Variants in TRMT9B observed in about 807,000 individuals in gnomAD.
The protein encoded by TRMT9B is tRNA methyltransferase 9B (putative).
A neutral mutation model predicts 11.5 loss-of-function variants in TRMT9B; 16 were observed. That is an observed-to-expected ratio of 1.39 (90% CI 0.94 to 2.11). TRMT9B has a LOEUF of 2.11. Among genes scored for constraint, TRMT9B ranks in the 30% most tolerant of loss-of-function variants. TRMT9B has a pLI of 0.00. For synonymous variants in TRMT9B, 274 were observed against 192.4 expected, an observed-to-expected ratio of 1.42 and a Z score of -3.51; for missense variants, 941 against 553.8, an observed-to-expected ratio of 1.70 and a Z score of -7.02.
At chr8:12,992,080 G>A (rs1033908723) in intron 2 of TRMT9B, among the ~76,000 whole-genome samples, 1 of 152,174 alleles carries the variant, frequency 6.6e-6, no homozygotes, top group Non-Finnish European at 1.5e-5. Flanking sequence ...GGACCAGCTT[G>A]TACAGAGTAA....
At chr8:13,006,386 G>T in intron 3 of TRMT9B, 30 bp downstream of exon 3, 1 of 1,363,158 alleles carries the variant, frequency 7.3e-7, no homozygotes, top group Non-Finnish European at 9.9e-7. Flanking sequence ...GCTGACATAG[G>T]TAACCAGGCA....
Position 13,012,845 on chromosome 8 carries a change from A to G in TRMT9B, c.316A>G (p.Ile106Val). ...TAGGGATGAGGGCTTCGATGCCATC[A>G]TCTCCATAGGAGGTAAGGCAGCCAG... ...PFRDEGFDAI[I>V]SIGVIHHFST... The change falls in exon 4 of 5, where the codon ATC (isoleucine) becomes GTC (valine). Residue 106 changes from isoleucine (I) to valine (V), a missense_variant. Ile to Val is a conservative substitution (Grantham distance 29, BLOSUM62 3). Coordinates refer to ENST00000524591, the MANE Select transcript of TRMT9B (RefSeq NM_020844.3). The G allele has an allele frequency of 6.2e-7, 1 of 1,613,838 alleles. No individual in the cohort carries two copies. Among genetic ancestry groups the G allele is most frequent in the Non-Finnish European group, 8.5e-7 (1 of 1,179,824 alleles).
intron 1 of TRMT9B, among the ~76,000 whole-genome samples, chr8:12,990,258 C>A (rs28424015): frequency 3.9e-5 from 6 of 152,130 alleles, no homozygotes; most frequent in Admixed American, 3.9e-4. Context: ...CCTATCATAT[C>A]AGGCATCTCT....
At chr8:13,002,263 CA>C (rs1275414544) in intron 2 of TRMT9B, among the ~76,000 whole-genome samples, 1 of 152,044 alleles carries the variant, frequency 6.6e-6, no homozygotes, top group Non-Finnish European at 1.5e-5. Flanking sequence ...TGTCGGTTAC[CA>C]CTTAACATTT....
intron 3 of TRMT9B, chr8:13,010,917 A>G: frequency 1.1e-6 from 1 of 929,094 alleles, no homozygotes; most frequent in Non-Finnish European, 1.3e-6. Context: ...TGGCTACGAG[A>G]TCAAAGAAAT....
chr8:12,958,959 G>A (rs895304625), intron 1 of TRMT9B, among the ~76,000 whole-genome samples: 4 of 152,128 alleles, frequency 2.6e-5, no homozygotes, highest in Non-Finnish European at 5.9e-5. Flanking sequence ...CGGGGGCTGT[G>A]GGAGGGATAG....
intron 2 of TRMT9B, among the ~76,000 whole-genome samples, chr8:12,994,086 G>C (rs1807894503): frequency 6.6e-6 from 1 of 152,204 alleles, no homozygotes; most frequent in East Asian, 1.9e-4. Flanking sequence ...CACAGTCAAT[G>C]TGCCTGGCAG....
At chr8:12,966,268 G>T (rs1023382539) in intron 1 of TRMT9B, among the ~76,000 whole-genome samples, 1 of 152,148 alleles carries the variant, frequency 6.6e-6, no homozygotes, top group Non-Finnish European at 1.5e-5. Flanking sequence ...GTGAGACCTT[G>T]TCTCTGTGCT....
chr8:12,982,981 T>A (rs1483701629), intron 1 of TRMT9B, among the ~76,000 whole-genome samples: 1 of 152,232 alleles, frequency 6.6e-6, no homozygotes, highest in Admixed American at 6.5e-5. Flanking sequence ...AAATGGCATG[T>A]GTTCAGGCAC....
At chr8:12,968,441 C>G (rs1034124056) in intron 1 of TRMT9B, among the ~76,000 whole-genome samples, 2 of 152,184 alleles carry the variant, frequency 1.3e-5, no homozygotes, top group African/African-American at 2.4e-5. Flanking sequence ...CAGTGACAGA[C>G]ATTTTAGCAA....
rs1814323711 is a variant in TRMT9B, at chr8:13,023,864, A to G, written c.*1820A>G. On this transcript the variant is annotated 3_prime_UTR_variant, in exon 5 of 5. Coordinates refer to ENST00000524591, the MANE Select transcript of TRMT9B (RefSeq NM_020844.3). ...GCGTATCTGAAAACGATTGATGTTT[A>G]TAACTCTCTTTTGGCTTCAAAATAA... The G allele has an allele frequency of 6.0e-6, 1 of 167,002 alleles. No individual in the cohort carries two copies. The highest frequency in any genetic ancestry group is 6.5e-5 in the Admixed American group (1 of 15,276). 10.3% of individuals were successfully genotyped at this position (167,002 alleles called of 1,614,324 possible). A position where few individuals can be genotyped will look rare whatever the true frequency, so the allele number is the denominator to read the frequency against.
At position 12,991,603 on chromosome 8, in the gene TRMT9B, T is replaced by G. The variant is rs1296660781; in HGVS notation, c.-2+572T>G. Reference sequence around the variant, plus strand: ...CAATATTTGTATTTCTTTTTAGTTATGAAAAAGTGACCATCGTATGCCTAG... The same window carrying G: ...CAATATTTGTATTTCTTTTTAGTTAGGAAAAAGTGACCATCGTATGCCTAG... On this transcript the variant is annotated intron_variant, in intron 2 of 4. Transcript: ENST00000524591. Among the ~76,000 whole-genome samples the G allele has an allele frequency of 2.0e-5, 3 of 152,198 alleles. 1 individual carries two copies. The highest frequency in any genetic ancestry group is 4.1e-4 in the South Asian group (2 of 4,830).
intron 3 of TRMT9B, chr8:13,012,192 T>G: frequency 2.0e-6 from 2 of 985,158 alleles, no homozygotes; most frequent in Non-Finnish European, 2.4e-6. Flanking sequence ...CTCTTCTATA[T>G]GAGAATCTGT....
At chr8:13,019,542 C>A (rs574429772) in intron 4 of TRMT9B, among the ~76,000 whole-genome samples, 1 of 152,320 alleles carries the variant, frequency 6.6e-6, no homozygotes, top group South Asian at 2.1e-4. Context: ...GTTCCGCCCA[C>A]CTCAGCCTCC....
intron 1 of TRMT9B, among the ~76,000 whole-genome samples, chr8:12,987,692 CAAA>C (rs35989832): frequency 2.0e-5 from 3 of 151,098 alleles, no homozygotes; most frequent in East Asian, 2.0e-4. Context: ...TACCCTGTCT[CAAA>C]AAAAAAAATG....
chr8:12,959,515 C>CTTTTTT (rs1563312903), intron 1 of TRMT9B, among the ~76,000 whole-genome samples: 1 of 59,386 alleles, frequency 1.7e-5, no homozygotes, highest in Admixed American at 2.5e-4. Flanking sequence ...CTTTTTCCTT[C>CTTTTTT]CTTTTTTTTT....
chr8:13,012,353 G>A, intron 3 of TRMT9B: 1 of 846,490 alleles, frequency 1.2e-6, no homozygotes. Flanking sequence ...GAGGCAGGCG[G>A]ATCACCTGAG....
rs975841596 is a variant in TRMT9B, at chr8:13,028,975, G to C, written c.*6931G>C. ...CCTAAGTGAGTATCTGAGAGGCTTT[G>C]AATATGTATGTGCAAACTGTCCTAT... On this transcript the variant is annotated 3_prime_UTR_variant, in exon 5 of 5. Coordinates refer to ENST00000524591, the MANE Select transcript of TRMT9B (RefSeq NM_020844.3). The C allele has an allele frequency of 1.8e-5, 3 of 166,936 alleles. No homozygotes were observed. The highest frequency in any genetic ancestry group is 3.1e-3 in the Middle Eastern group (1 of 318). 10.3% of individuals were successfully genotyped at this position (166,936 alleles called of 1,614,324 possible).
At chr8:12,976,774 C>A (rs898208641) in intron 1 of TRMT9B, among the ~76,000 whole-genome samples, 2 of 152,114 alleles carry the variant, frequency 1.3e-5, no homozygotes, top group Admixed American at 6.6e-5. Flanking sequence ...CATCCTTAGC[C>A]TGAAAGGGAA....
Sources: allele counts gnomAD v4.1 joint callset (sites outside exome capture counted in the v4.1 genomes callset), GRCh38; gene constraint gnomAD v4.1.1; transcripts MANE v1.5; gene names NCBI Gene and HGNC (gene_info 2026-07-23, HGNC 2026-07-21).